The following TRIO variants were observed in gnomAD, a reference collection of about 807,000 sequenced individuals.
TRIO encodes trio Rho guanine nucleotide exchange factor.
Under a neutral mutation model 351.9 loss-of-function variants are expected in TRIO, and 58 were observed. The ratio of observed to expected loss-of-function variants is 0.16; its 90% CI spans 0.13 to 0.21. The LOEUF is 0.21. Ranked by LOEUF, TRIO falls within the 10% of genes least tolerant of loss-of-function variation. TRIO has a pLI of 1.00. For missense variants in TRIO, 3,201 were observed against 4,027.8 expected (o/e 0.79, Z 5.56); for synonymous variants, 1,758 against 1,595.7 (o/e 1.10, Z -2.42).
chr5:14,465,660 G>A lies in TRIO; in HGVS notation c.5763+20G>A, dbSNP rs753275569. 1.2e-6 allele frequency: 2 copies of A among 1,613,832 alleles called. No homozygotes were observed. The highest frequency in any genetic ancestry group is 1.7e-6 in the Non-Finnish European group (2 of 1,179,766). On this transcript the variant is annotated intron_variant, in intron 37 of 56. Coordinates refer to ENST00000344204, the MANE Select transcript of TRIO (RefSeq NM_007118.4). Reference sequence around the variant, plus strand: ...AAGATGGTGAGGCCTCCCAGAGAAAGTCTGACTTTTGGAAGCTGCTCTGTG... The same window carrying A: ...AAGATGGTGAGGCCTCCCAGAGAAAATCTGACTTTTGGAAGCTGCTCTGTG...
At chr5:14,348,268 C>T (rs945807179) in intron 11 of TRIO, among the ~76,000 whole-genome samples, 1 of 152,082 alleles carries the variant, frequency 6.6e-6, no homozygotes. Flanking sequence ...AAGAACATGC[C>T]CTGGAAGCTA....
chr5:14,147,114 A>G (rs1787564423), intron 1 of TRIO, among the ~76,000 whole-genome samples: 2 of 152,248 alleles, frequency 1.3e-5, no homozygotes, highest in South Asian at 2.1e-4. Context: ...TCCTTTGCAC[A>G]GAGCTCAGCA....
Position 14,143,823 on chromosome 5 carries a change from G to A in TRIO, c.98G>A (p.Gly33Asp). The change falls in exon 1 of 57, where the codon GGC becomes GAC. Residue 33 changes from glycine to aspartate, a missense_variant. Coordinates refer to ENST00000344204, the MANE Select transcript of TRIO (RefSeq NM_007118.4). ...GGCTCGGGCTGCGGGGGCGGTGCCG[G>A]CGAGGGGGCAGAGGAGGCGGCCAAG... Reference protein sequence around the residue: ...AAGSGCGGGAGEGAEEAAKDL... With the variant: ...AAGSGCGGGADEGAEEAAKDL... 9.4e-7 allele frequency: 1 copy of A among 1,065,308 alleles called. No individual in the cohort carries two copies. Among genetic ancestry groups the A allele is most frequent in the Non-Finnish European group, 1.1e-6 (1 of 883,254 alleles). The allele number at this position is 1,065,308 out of a possible 1,614,324, so 66.0% of individuals were successfully genotyped here.
chr5:14,293,173 G>C, intron 6 of TRIO, 39 bp downstream of exon 6: 1 of 1,612,938 alleles, frequency 6.2e-7, no homozygotes, highest in Non-Finnish European at 8.5e-7. Flanking sequence ...GCATGTGACA[G>C]TGTTTTAGCA....
intron 1 of TRIO, among the ~76,000 whole-genome samples, chr5:14,168,524 AG>A (rs1321841579): frequency 2.0e-5 from 3 of 152,208 alleles, no homozygotes. Context: ...GATTTTCAGG[AG>A]GATTGATGTG....
chr5:14,222,156 T>TA (rs397936525), intron 1 of TRIO, among the ~76,000 whole-genome samples: 3 of 151,108 alleles, frequency 2.0e-5, no homozygotes, highest in Non-Finnish European at 4.4e-5. Context: ...TTTTTTTTTT[T>TA]AGCAATAAAG....
At chr5:14,313,024 T>C (rs1231848806) in intron 8 of TRIO, among the ~76,000 whole-genome samples, 1 of 152,216 alleles carries the variant, frequency 6.6e-6, no homozygotes, top group Non-Finnish European at 1.5e-5. Context: ...CTACAAAACT[T>C]GTACTGAAAT....
intron 1 of TRIO, among the ~76,000 whole-genome samples, chr5:14,266,590 G>T (rs1795692236): frequency 6.6e-6 from 1 of 152,182 alleles, no homozygotes; most frequent in South Asian, 2.1e-4. Flanking sequence ...GGTGGTAACA[G>T]AATTAATTTT....
intron 33 of TRIO, among the ~76,000 whole-genome samples, chr5:14,414,519 C>G (rs1447944887): frequency 6.6e-6 from 1 of 152,152 alleles, no homozygotes; most frequent in East Asian, 1.9e-4. Context: ...GACTGGCATC[C>G]TCAAACACTG....
At chr5:14,489,355 C>T (rs533882478) in intron 48 of TRIO, among the ~76,000 whole-genome samples, 21 of 152,182 alleles carry the variant, frequency 1.4e-4, no homozygotes, top group African/African-American at 4.3e-4. Context: ...GGTAGGCATC[C>T]GCTGTCATGG....
At chr5:14,451,175 A>G (rs1478432464) in intron 34 of TRIO, among the ~76,000 whole-genome samples, 1 of 152,216 alleles carries the variant, frequency 6.6e-6, no homozygotes, top group Non-Finnish European at 1.5e-5. Context: ...TTTTAATTCA[A>G]TATGCATTGC....
intron 9 of TRIO, among the ~76,000 whole-genome samples, chr5:14,319,796 G>A (rs911111626): frequency 6.6e-6 from 1 of 152,180 alleles, no homozygotes; most frequent in African/African-American, 2.4e-5. Context: ...GGGCCCTGAG[G>A]AACTGAATGG....
chr5:14,294,530 T>TCCC (rs1737180865), intron 6 of TRIO, among the ~76,000 whole-genome samples: 1 of 152,194 alleles, frequency 6.6e-6, no homozygotes, highest in Non-Finnish European at 1.5e-5. Flanking sequence ...AATACTAAAA[T>TCCC]ATGTGCTAGA....
At chr5:14,500,199 C>T (rs1339103728) in intron 53 of TRIO, among the ~76,000 whole-genome samples, 2 of 152,164 alleles carry the variant, frequency 1.3e-5, no homozygotes, top group Non-Finnish European at 2.9e-5. Context: ...CCAAGATGAT[C>T]TTAACCATTT....
At chr5:14,329,990 T>C (rs1740759907) in intron 9 of TRIO, among the ~76,000 whole-genome samples, 1 of 152,220 alleles carries the variant, frequency 6.6e-6, no homozygotes, top group African/African-American at 2.4e-5. Flanking sequence ...GTACTTATTT[T>C]TTAAAACCAC....
intron 13 of TRIO, among the ~76,000 whole-genome samples, chr5:14,362,378 A>G (rs1401359377): frequency 6.6e-6 from 1 of 152,208 alleles, no homozygotes; most frequent in Non-Finnish European, 1.5e-5. Flanking sequence ...TCTTATTGTC[A>G]TCGACTCCCA....
intron 1 of TRIO, among the ~76,000 whole-genome samples, chr5:14,226,684 T>A (rs1457974415): frequency 1.3e-5 from 2 of 152,260 alleles, no homozygotes; most frequent in African/African-American, 2.4e-5. Context: ...TGAAGCTTGG[T>A]GAAGCATTAC....
intron 9 of TRIO, among the ~76,000 whole-genome samples, chr5:14,321,353 C>G (rs367864482): frequency 6.6e-6 from 1 of 152,232 alleles, no homozygotes; most frequent in Non-Finnish European, 1.5e-5. Context: ...GCACAGAAAA[C>G]GTGGCCCCCA....
chr5:14,497,179 A>G lies in TRIO; in HGVS notation c.8019+162A>G, dbSNP rs1756957744. On this transcript the variant is annotated intron_variant, in intron 50 of 56. Transcript: ENST00000344204. This position sits in a 1 kb window ranked among gnomAD's most constrained non-coding sequence, Gnocchi z 4.4. The stretch of plus-strand genomic sequence containing the variant: ...CCTGTAGGGTCTTGTTAGGGGCACT[A>G]TGCTGGCCAGCACAGGGATGGGTGC... 6.6e-6 allele frequency among the ~76,000 whole-genome samples: 1 copy of G among 152,140 alleles called. No homozygotes were observed. Among genetic ancestry groups the G allele is most frequent in the African/African-American group, 2.4e-5 (1 of 41,428 alleles).
Sources: allele counts gnomAD v4.1 joint callset (sites outside exome capture counted in the v4.1 genomes callset), GRCh38; gene constraint gnomAD v4.1.1; non-coding constraint Gnocchi (gnomAD v3.1); transcripts MANE v1.5; gene names NCBI Gene and HGNC (gene_info 2026-07-23, HGNC 2026-07-21).